Variants in WDR49 observed in about 807,000 individuals in gnomAD.
WDR49 encodes the protein cilia- and flagella-associated protein 337.
In WDR49, 107 loss-of-function variants were observed where a neutral mutation model predicts 119.5. The ratio of observed to expected loss-of-function variants is 0.90; its 90% CI spans 0.77 to 1.05. The LOEUF (loss-of-function observed/expected upper bound fraction) is 1.05, where lower values mean the gene tolerates loss of function less well. Ranked by LOEUF, WDR49 falls within the 50% of genes least tolerant of loss-of-function variation. The pLI is 0.00. For synonymous variants in WDR49, 425 were observed against 418.8 expected (o/e 1.01, Z -0.18); for missense variants, 1,240 against 1,220.5 (o/e 1.02, Z -0.24).
In WDR49 at chr3:167,500,205, T is replaced by C. The variant is rs764104428; in HGVS notation, c.2979A>G (p.Lys993=). The C allele has an allele frequency of 3.1e-6, 5 of 1,591,412 alleles. No individual in the cohort carries two copies. The African/African-American group carries it at 5.5e-5, about 17-fold the overall frequency. Residue 993 remains lysine, a synonymous_variant, in exon 18 of 19, where the codon AAA becomes AAG. Transcript: ENST00000682715. ...TTTGGGGACGCTCTTCCTCTGGTTCTTTCCTAAAGTATTTCTCAGGGTCTA... is the reference window on the plus strand; with the variant it reads ...TTTGGGGACGCTCTTCCTCTGGTTCCTTCCTAAAGTATTTCTCAGGGTCTA... ...FLLDPEKYFR[K]EPEEERPQIL... is the part of the protein sequence containing the mutation.
intron 17 of WDR49, among the ~76,000 whole-genome samples, chr3:167,503,071 C>CTCCATA (rs376842601): frequency 6.6e-6 from 1 of 152,322 alleles, no homozygotes; most frequent in African/African-American, 2.4e-5. Context: ...CACCACTGTT[C>CTCCATA]TCCATATCCG....
intron 16 of WDR49, among the ~76,000 whole-genome samples, chr3:167,514,007 T>C (rs958821590): frequency 2.6e-5 from 4 of 152,100 alleles, no homozygotes; most frequent in Admixed American, 1.3e-4. Flanking sequence ...CACACAATCA[T>C]AGTGGGAAAC....
chr3:167,536,222 T>C (rs899096653), intron 11 of WDR49, among the ~76,000 whole-genome samples: 3 of 152,122 alleles, frequency 2.0e-5, no homozygotes, highest in Non-Finnish European at 4.4e-5. Flanking sequence ...AGAAAAAAGA[T>C]TTTTTAATGT....
intron 7 of WDR49, among the ~76,000 whole-genome samples, chr3:167,578,144 C>T (rs1055727231): frequency 4.6e-5 from 7 of 152,128 alleles, no homozygotes; most frequent in Admixed American, 3.9e-4. Flanking sequence ...TTCTTTCAAC[C>T]ATTTCAATAT....
intron 18 of WDR49, among the ~76,000 whole-genome samples, chr3:167,492,490 T>A (rs1483282307): frequency 6.6e-6 from 1 of 152,106 alleles, no homozygotes; most frequent in Non-Finnish European, 1.5e-5. Context: ...GAATAGTAAG[T>A]CCCACATTGT....
chr3:167,501,870 G>A (rs1033708921), intron 17 of WDR49, among the ~76,000 whole-genome samples: 4 of 152,200 alleles, frequency 2.6e-5, no homozygotes, highest in Middle Eastern at 3.4e-3. Flanking sequence ...AAATACTTAA[G>A]GGAAAGAATA....
chr3:167,560,136 T>G lies in WDR49; in HGVS notation c.1602A>C (p.Ala534=). 1 of 1,614,226 alleles carries G rather than the reference T, an allele frequency of 6.2e-7. No homozygotes were observed. The highest frequency in any genetic ancestry group is 8.5e-7 in the Non-Finnish European group (1 of 1,180,040). The part of the protein sequence containing the change: ...IKQFTGCHGN[A]EISTMALDAN... ...CATCAAGGGCCATAGTGCTGATTTC[T>G]GCGTTGCCGTGGCAACCAGTAAACT... Residue 534 remains alanine, a synonymous_variant, in exon 9 of 19, where the codon GCA becomes GCC. Transcript: ENST00000682715.
chr3:167,535,474 C>A (rs563295383), intron 11 of WDR49, among the ~76,000 whole-genome samples: 34 of 152,202 alleles, frequency 2.2e-4, no homozygotes, highest in African/African-American at 7.5e-4. Context: ...AAATGGCCAA[C>A]AGACATACGA....
At chr3:167,589,943 A>G (rs973021055) in intron 7 of WDR49, among the ~76,000 whole-genome samples, 2 of 152,096 alleles carry the variant, frequency 1.3e-5, no homozygotes, top group African/African-American at 4.8e-5. Context: ...TAGGACTTAC[A>G]GTACTATATT....
chr3:167,641,895 G>A (rs1212602175), intron 2 of WDR49, among the ~76,000 whole-genome samples: 1 of 151,032 alleles, frequency 6.6e-6, no homozygotes, highest in African/African-American at 2.4e-5. Flanking sequence ...ATGCCACAGA[G>A]AATAAACGTA....
At chr3:167,580,256 C>T (rs762498452) in intron 7 of WDR49, among the ~76,000 whole-genome samples, 1 of 152,130 alleles carries the variant, frequency 6.6e-6, no homozygotes, top group Non-Finnish European at 1.5e-5. Flanking sequence ...GTCCACCTTC[C>T]ATCTTTAATT....
chr3:167,557,860 T>C (rs769053932), intron 9 of WDR49, among the ~76,000 whole-genome samples: 1 of 152,108 alleles, frequency 6.6e-6, no homozygotes, highest in Non-Finnish European at 1.5e-5. Context: ...ATGGAATAAA[T>C]GTTAGCTAAC....
chr3:167,634,331 C>T (rs1717516703), intron 2 of WDR49, among the ~76,000 whole-genome samples: 1 of 151,882 alleles, frequency 6.6e-6, no homozygotes, highest in South Asian at 2.1e-4. Context: ...TATTTTGCTA[C>T]ATCTATTTAA....
intron 7 of WDR49, among the ~76,000 whole-genome samples, chr3:167,601,600 G>C (rs1020232145): frequency 6.6e-6 from 1 of 151,720 alleles, no homozygotes; most frequent in Admixed American, 6.6e-5. Flanking sequence ...TACGGCTCTA[G>C]TGCCATATTT....
intron 5 of WDR49, among the ~76,000 whole-genome samples, chr3:167,613,395 C>A (rs1716437327): frequency 6.6e-6 from 1 of 152,252 alleles, no homozygotes; most frequent in East Asian, 1.9e-4. Flanking sequence ...GGAAATAGAG[C>A]CCTTTCCTCA....
chr3:167,564,177 C>T (rs985144633), intron 8 of WDR49, among the ~76,000 whole-genome samples: 1 of 152,174 alleles, frequency 6.6e-6, no homozygotes, highest in Non-Finnish European at 1.5e-5. Flanking sequence ...AACAATTTCT[C>T]GTGAAATCTA....
chr3:167,560,347 C>T (rs1713193129), intron 8 of WDR49, 119 bp from the exon 9 acceptor site: 1 of 1,032,192 alleles, frequency 9.7e-7, no homozygotes, highest in South Asian at 1.8e-5. Context: ...CAGTCAGAGA[C>T]ATTTTTGTAA....
intron 16 of WDR49, among the ~76,000 whole-genome samples, chr3:167,517,708 TTTTTCTTTTC>T (rs142525684): frequency 1.4e-4 from 20 of 147,042 alleles, no homozygotes; most frequent in African/African-American, 2.5e-4. Flanking sequence ...CTTTACTTTT[TTTTTCTTTTC>T]TTTTCTTTTC....
intron 7 of WDR49, among the ~76,000 whole-genome samples, chr3:167,580,510 ATTTCC>A (rs1714479928): frequency 6.6e-6 from 1 of 152,156 alleles, no homozygotes; most frequent in Non-Finnish European, 1.5e-5. Flanking sequence ...ATTCCCAGGC[ATTTCC>A]TTTGCATTAT....
Sources: gnomAD v4.1 joint callset for allele counts (sites outside exome capture counted in the v4.1 genomes callset) on GRCh38, gnomAD v4.1.1 for gene constraint, MANE v1.5 for transcripts, NCBI Gene and HGNC (gene_info 2026-07-23, HGNC 2026-07-21) for gene names.